The following CES3 variants were observed in gnomAD, a reference collection of about 807,000 sequenced individuals.
CES3 encodes carboxylesterase 3 (brain).
Under a neutral mutation model 57.6 loss-of-function variants are expected in CES3, and 49 were observed. The ratio of observed to expected loss-of-function variants is 0.85; its 90% confidence interval spans 0.68 to 1.08. The LOEUF is 1.08. Ranked by LOEUF, CES3 falls within the 50% of genes least tolerant of loss-of-function variation. CES3 has a pLI of 0.00. For synonymous variants in CES3, 266 were observed against 281.6 expected, an observed-to-expected ratio of 0.94 and a Z score of 0.55; for missense variants, 645 against 742.0, an observed-to-expected ratio of 0.87 and a Z score of 1.52.
Position 66,963,787 on chromosome 16 carries a change from T to G in CES3, c.427-15T>G. 6.2e-7 allele frequency: 1 copy of G among 1,610,560 alleles called. No individual in the cohort carries two copies. The highest frequency in any genetic ancestry group is 8.5e-7 in the Non-Finnish European group (1 of 1,176,990). On this transcript the variant is annotated splice_polypyrimidine_tract_variant and intron_variant, in intron 3 of 12. Transcript: ENST00000303334. This position sits in a 1 kb window ranked among gnomAD's most constrained non-coding sequence, Gnocchi z 4.9. ...CAGGAGCTTGGGGGTCAGTGCCCCA[T>G]GGCCACCTCTGCAGGTCATGGTATG...
At position 66,967,961 on chromosome 16, in the gene CES3, G is replaced by A. The variant is rs773113900; in HGVS notation, c.1062+1096G>A. The stretch of plus-strand genomic sequence containing the variant: ...TCCGTGTATAGTCAGGTCTCCCTCT[G>A]TTGCCCAAGCTGGTCTAGAGCACCT... On this transcript the variant is annotated intron_variant, in intron 8 of 12. Transcript: ENST00000303334. 4 of 167,102 alleles carry A rather than the reference G, an allele frequency of 2.4e-5. No homozygotes were observed. The South Asian group carries it at 7.8e-4, about 33-fold the overall frequency. The allele number at this position is 167,102 out of a possible 1,614,324, so 10.4% of individuals were successfully genotyped here. A position where few individuals can be genotyped will look rare whatever the true frequency, so the allele number is the denominator to read the frequency against.
intron 12 of CES3, 25 bp downstream of exon 12, chr16:66,972,771 C>T (rs751960216): frequency 1.4e-5 from 22 of 1,614,084 alleles, no homozygotes; most frequent in South Asian, 2.2e-5. Flanking sequence ...GGGCATAGCT[C>T]GCTTTGGGCC....
Position 66,963,087 on chromosome 16 carries a change from A to T in CES3, c.83-92A>T. 7.6e-7 allele frequency: 1 copy of T among 1,314,484 alleles called. No individual in the cohort carries two copies. The highest frequency in any genetic ancestry group is 1.1e-6 in the Non-Finnish European group (1 of 917,632). The allele number at this position is 1,314,484 out of a possible 1,614,324, so 81.4% of individuals were successfully genotyped here. ...GAAGGTTACCAAGATGCTGTGTGGT[A>T]AGTACTGAGAACAGCCTGAGGGTTT... On this transcript the variant is annotated intron_variant, in intron 1 of 12. Transcript: ENST00000303334. The surrounding 1 kb of genome is among the most constrained non-coding windows in gnomAD (Gnocchi z 4.9).
intron 6 of CES3, among the ~76,000 whole-genome samples, 157 bp downstream of exon 6, chr16:66,964,884 C>T (rs1362437977): frequency 6.6e-6 from 1 of 152,204 alleles, no homozygotes; most frequent in African/African-American, 2.4e-5. Context: ...GAAACAACTG[C>T]TGCATTCCAG....
In CES3 at chr16:66,963,336, A is replaced by C. The variant is rs1963677755; in HGVS notation, c.240A>C (p.Pro80=). Residue 80 remains proline, a synonymous_variant, in exon 2 of 13, where the codon CCA becomes CCC. Transcript: ENST00000303334. This position sits in a 1 kb window ranked among gnomAD's most constrained non-coding sequence, Gnocchi z 4.9. ...CTGACCGGTTCTCAGCCCCACACCCAGCACAGCCCTGGGAGGGTGTGCGGG... is the reference window on the plus strand; with the variant it reads ...CTGACCGGTTCTCAGCCCCACACCCCGCACAGCCCTGGGAGGGTGTGCGGG... The part of the protein sequence containing the change: ...LGPDRFSAPH[P]AQPWEGVRDA... 6.2e-7 allele frequency: 1 copy of C among 1,613,578 alleles called. No individual in the cohort carries two copies. Among genetic ancestry groups the C allele is most frequent in the Non-Finnish European group, 8.5e-7 (1 of 1,180,018 alleles).
Position 66,966,260 on chromosome 16 carries a change from T to A in CES3, c.836T>A (p.Leu279Ter), listed in dbSNP as rs751337753. ...WPLAQKIANTLACSSSSPAEM... is the reference protein window; with the variant it reads ...WPLAQKIANT ...TGTCCCCAGAAAATCGCAAACACCT[T>A]GGCCTGCAGCTCCAGCTCCCCGGCT... Residue 279 changes from leucine to a stop codon, truncating the protein, a stop_gained, in exon 7 of 13, where the codon TTG becomes TAG. Coordinates refer to ENST00000303334, the MANE Select transcript of CES3 (RefSeq NM_024922.6). LOFTEE classifies it high-confidence loss of function. 1.9e-6 allele frequency: 3 copies of A among 1,613,480 alleles called. No homozygotes were observed. The South Asian group carries it at 3.3e-5, about 18-fold the overall frequency.
chr16:66,963,212 C>A lies in CES3; in HGVS notation c.116C>A (p.Thr39Asn), dbSNP rs372083161. 2.5e-6 allele frequency: 4 copies of A among 1,614,150 alleles called. No individual in the cohort carries two copies. Among genetic ancestry groups the A allele is most frequent in the Non-Finnish European group, 2.5e-6 (3 of 1,180,052 alleles). The change falls in exon 2 of 13, where the codon ACC (threonine) becomes AAC (asparagine). Residue 39 changes from threonine (T) to asparagine (N), a missense_variant. Coordinates refer to ENST00000303334, the MANE Select transcript of CES3 (RefSeq NM_024922.6). The surrounding 1 kb of genome is among the most constrained non-coding windows in gnomAD (Gnocchi z 4.9). Reference sequence around the variant, plus strand: ...GTTGCTCAGCCTGAAGTAGACACCACCCTGGGTCGTGTGCGAGGCCGGCAG... The same window carrying A: ...GTTGCTCAGCCTGAAGTAGACACCAACCTGGGTCGTGTGCGAGGCCGGCAG... ...PEVAQPEVDT[T>N]LGRVRGRQVG...
Position 66,963,427 on chromosome 16 carries a change from A to G in CES3, c.287+44A>G, listed in dbSNP as rs768946527. On this transcript the variant is annotated intron_variant, in intron 2 of 12. Transcript: ENST00000303334. This position sits in a 1 kb window ranked among gnomAD's most constrained non-coding sequence, Gnocchi z 4.9. ...GGCGGGCAAACAGGCAGGTTGCAGG[A>G]GAATCCTGCTGCTGGGGCTTGTGGG... 82 of 1,610,992 alleles carry G rather than the reference A, an allele frequency of 5.1e-5. No individual in the cohort carries two copies. Among genetic ancestry groups the G allele is most frequent in the Non-Finnish European group, 7.0e-5 (82 of 1,177,788 alleles).
Position 66,965,211 on chromosome 16 carries a change from G to T in CES3, c.819+484G>T, listed in dbSNP as rs1004253107. 1.1e-4 allele frequency among the ~76,000 whole-genome samples: 17 copies of T among 152,360 alleles called. No individual in the cohort carries two copies. In the South Asian group the frequency reaches 3.3e-3, roughly 30 times the overall value. ...GCAAGCTCGCAGGTTAGGGAACAGG[G>T]CAGGAAGTGAAGGTGCTGGAGAAGT... On this transcript the variant is annotated intron_variant, in intron 6 of 12. Transcript: ENST00000303334.
chr16:66,963,973 G>T lies in CES3; in HGVS notation c.560+38G>T, dbSNP rs373869069. 1.3e-5 allele frequency: 20 copies of T among 1,596,488 alleles called. No homozygotes were observed. The South Asian group carries it at 1.9e-4, about 15-fold the overall frequency. ...GCATGGCCAGAGCACTGCCTGCACC[G>T]GGGAGAGGCCAGCTCACCAGAGCAA... On this transcript the variant is annotated intron_variant, in intron 4 of 12. Coordinates refer to ENST00000303334, the MANE Select transcript of CES3 (RefSeq NM_024922.6). This position sits in a 1 kb window ranked among gnomAD's most constrained non-coding sequence, Gnocchi z 4.9.
chr16:66,966,651 C>T, intron 7 of CES3, 74 bp from the exon 8 acceptor site: 3 of 1,560,870 alleles, frequency 1.9e-6, no homozygotes, highest in South Asian at 1.1e-5. Flanking sequence ...GCCTGCAGCT[C>T]AGTGGCTGCT....
Position 66,966,771 on chromosome 16 carries a change from A to G in CES3, c.968A>G (p.Lys323Arg), listed in dbSNP as rs752233735. Residue 323 changes from lysine (K) to arginine (R), a missense_variant, in exon 8 of 13, where the codon AAA (lysine) becomes AGA (arginine). By Grantham distance (26) the Lys-to-Arg change is conservative (BLOSUM62 2). Transcript: ENST00000303334. The stretch of plus-strand genomic sequence containing the variant: ...ACCGTTGATGGCACTGTCTTCCCCA[A>G]AAGCCCCAAGGAACTCCTGAAGGAG... Reference protein sequence around the residue: ...PLTVDGTVFPKSPKELLKEKP... With the variant: ...PLTVDGTVFPRSPKELLKEKP... 1.9e-6 allele frequency: 3 copies of G among 1,614,096 alleles called. No homozygotes were observed. Among genetic ancestry groups the G allele is most frequent in the Non-Finnish European group, 2.5e-6 (3 of 1,180,012 alleles).
chr16:66,961,342 T>C lies in CES3; in HGVS notation c.35T>C (p.Leu12Pro). ...GCAGTGAGAGTGGAGTCCGGGGTCC[T>C]GGTCGGGGTGGTCTGTCTGCTCCTG... ...ERAVRVESGVLVGVVCLLLAC... is the reference protein window; with the variant it reads ...ERAVRVESGVPVGVVCLLLAC... The change falls in exon 1 of 13, where the codon CTG (leucine) becomes CCG (proline). Residue 12 changes from leucine to proline, a missense_variant. Physicochemically the swap from Leu to Pro is moderately conservative, Grantham distance 98 (BLOSUM62 -3). Transcript: ENST00000303334. 6.2e-7 allele frequency: 1 copy of C among 1,613,774 alleles called. No individual in the cohort carries two copies. Among genetic ancestry groups the C allele is most frequent in the Non-Finnish European group, 8.5e-7 (1 of 1,179,910 alleles).
rs1597025798 is a variant in CES3, at chr16:66,973,152, A to C, written c.*103A>C. 1.4e-5 allele frequency: 15 copies of C among 1,049,358 alleles called. No individual in the cohort carries two copies. The highest frequency in any genetic ancestry group is 2.1e-5 in the Non-Finnish European group (15 of 722,674). The allele number at this position is 1,049,358 out of a possible 1,614,324, so 65.0% of individuals were successfully genotyped here. On this transcript the variant is annotated 3_prime_UTR_variant, in exon 13 of 13. Coordinates refer to ENST00000303334, the MANE Select transcript of CES3 (RefSeq NM_024922.6). ...TCCCCCTGCTGAGACTTTAATCTCC[A>C]CCAGCCCTTAAAGTGTCGGCCGCTC...
Position 66,966,793 on chromosome 16 carries a change from G to A in CES3, c.990G>A (p.Lys330=). 6.2e-7 allele frequency: 1 copy of A among 1,614,176 alleles called. No homozygotes were observed. The highest frequency in any genetic ancestry group is 8.5e-7 in the Non-Finnish European group (1 of 1,180,038). The change falls in exon 8 of 13, where the codon AAG becomes AAA. Residue 330 remains lysine, a synonymous_variant. Transcript: ENST00000303334. ...CCAAAAGCCCCAAGGAACTCCTGAA[G>A]GAGAAGCCCTTCCACTCTGTGCCCT... ...VFPKSPKELL[K]EKPFHSVPFL...
chr16:66,973,359 C>T lies in CES3; in HGVS notation c.*310C>T, dbSNP rs1963877323. 2 of 303,462 alleles carry T rather than the reference C, an allele frequency of 6.6e-6. No homozygotes were observed. The highest frequency in any genetic ancestry group is 1.3e-5 in the Non-Finnish European group (2 of 159,480). The allele number at this position is 303,462 out of a possible 1,614,324, so 18.8% of individuals were successfully genotyped here. On this transcript the variant is annotated 3_prime_UTR_variant, in exon 13 of 13. Transcript: ENST00000303334. ...GGAAGCCTTCCCTGCCTTCTCTGGG[C>T]TGTGCGGCCCCGAGTCTGCGTCCAT...
chr16:66,972,572 G>A (rs1963856565), intron 11 of CES3, 67 bp downstream of exon 11: 1 of 1,606,988 alleles, frequency 6.2e-7, no homozygotes. Context: ...GGCAGGGCTT[G>A]CAGGAACACG....
chr16:66,963,950 A>G lies in CES3; in HGVS notation c.560+15A>G. On this transcript the variant is annotated intron_variant, in intron 4 of 12. Transcript: ENST00000303334. The surrounding 1 kb of genome is among the most constrained non-coding windows in gnomAD (Gnocchi z 4.9). ...GGCTTCTTCAGGTGAGACGACAGGCATGGCCAGAGCACTGCCTGCACCGGG... is the reference window on the plus strand; with the variant it reads ...GGCTTCTTCAGGTGAGACGACAGGCGTGGCCAGAGCACTGCCTGCACCGGG... The G allele has an allele frequency of 1.2e-6, 2 of 1,609,864 alleles. No individual in the cohort carries two copies. The highest frequency in any genetic ancestry group is 8.5e-7 in the Non-Finnish European group (1 of 1,176,862).
Position 66,973,205 on chromosome 16 carries a change from T to G in CES3, c.*156T>G. ...TGACTGGAGTTATGCTCTTTTGAAA[T>G]GTCACAAGGCCGCCTCCCACCTCTG... is the stretch of plus-strand genomic sequence containing the variant. On this transcript the variant is annotated 3_prime_UTR_variant, in exon 13 of 13. Coordinates refer to ENST00000303334, the MANE Select transcript of CES3 (RefSeq NM_024922.6). 1 of 682,770 alleles carries G rather than the reference T, an allele frequency of 1.5e-6. No homozygotes were observed. The highest frequency in any genetic ancestry group is 1.9e-5 in the South Asian group (1 of 51,596). 42.3% of individuals were successfully genotyped at this position (682,770 alleles called of 1,614,324 possible). A position where few individuals can be genotyped will look rare whatever the true frequency, so the allele number is the denominator to read the frequency against.
Sources: gnomAD v4.1 joint callset for allele counts (sites outside exome capture counted in the v4.1 genomes callset) on GRCh38, gnomAD v4.1.1 for gene constraint, Gnocchi (gnomAD v3.1) non-coding constraint, MANE v1.5 for transcripts, NCBI Gene and HGNC (gene_info 2026-07-23, HGNC 2026-07-21) for gene names.